YKT6: variants seen among roughly 807,000 people sequenced by gnomAD.
The protein encoded by YKT6 is synaptobrevin homolog YKT6.
A neutral mutation model predicts 29.3 loss-of-function variants in YKT6; 12 were observed. The observed-to-expected ratio is 0.41, with a 90% CI of 0.26 to 0.66. The LOEUF (loss-of-function observed/expected upper bound fraction) is 0.66. YKT6 is among the 30% of genes least tolerant of loss of function. The pLI, the probability that YKT6 is intolerant of heterozygous loss-of-function variation, is 0.32. For synonymous variants in YKT6, 86 were observed against 94.3 expected (o/e 0.91, Z 0.51); for missense variants, 188 against 243.8 (o/e 0.77, Z 1.52).
chr7:44,209,326 C>T (rs1055042562), intron 5 of YKT6, among the ~76,000 whole-genome samples: 4 of 152,198 alleles, frequency 2.6e-5, no homozygotes, highest in South Asian at 2.1e-4. Context: ...GTGCTGACTG[C>T]ACTCCAAATA....
chr7:44,206,310 T>C, intron 2 of YKT6, 75 bp from the exon 3 acceptor site: 1 of 1,485,322 alleles, frequency 6.7e-7, no homozygotes, highest in South Asian at 1.1e-5. Flanking sequence ...CATTGGATGC[T>C]TTGATTTGGG....
Position 44,201,027 on chromosome 7 carries a change from GCT to G in YKT6, c.-108_-107del, listed in dbSNP as rs2096334734. 3.4e-6 allele frequency: 3 copies of G among 882,544 alleles called. No homozygotes were observed. The South Asian group carries it at 5.7e-5, about 17-fold the overall frequency. The allele number at this position is 882,544 out of a possible 1,614,324, so 54.7% of individuals were successfully genotyped here. On this transcript the variant is annotated 5_prime_UTR_variant, in exon 1 of 7. Transcript: ENST00000223369. ...CCGGCGGTGGCCCCGTCAGCAGCCG[GCT>G]GCTGAGAGGCCGGTAGGCGGCGGCG... is the stretch of plus-strand genomic sequence containing the variant.
intron 4 of YKT6, 136 bp downstream of exon 4, chr7:44,207,628 C>T: frequency 1.4e-6 from 1 of 737,816 alleles, no homozygotes; most frequent in Non-Finnish European, 2.2e-6. Context: ...TCAAGCCTTA[C>T]TGTTTGGAAA....
chr7:44,203,416 C>G (rs1043704007), intron 1 of YKT6, among the ~76,000 whole-genome samples: 5 of 152,122 alleles, frequency 3.3e-5, no homozygotes, highest in African/African-American at 1.2e-4. Context: ...CTTATAAGAC[C>G]GCTTTACTTA....
At chr7:44,208,405 AG>A in intron 5 of YKT6, 2 of 534,830 alleles carry the variant, frequency 3.7e-6, no homozygotes, top group South Asian at 4.3e-5. Flanking sequence ...CATTGTTTCT[AG>A]GGGACCAAGC....
intron 1 of YKT6, 21 bp from the exon 2 acceptor site, chr7:44,204,547 A>G (rs1189879227): frequency 6.2e-6 from 10 of 1,613,618 alleles, no homozygotes; most frequent in Non-Finnish European, 7.6e-6. Context: ...GTAGGCAATA[A>G]ATACATTTTG....
intron 5 of YKT6, among the ~76,000 whole-genome samples, chr7:44,209,124 C>G (rs1293448540): frequency 6.6e-6 from 1 of 152,192 alleles, no homozygotes. Flanking sequence ...GATACAGTGC[C>G]TAGTTTATAC....
In YKT6 at chr7:44,201,119, C is replaced by A. The variant is rs1046288654; in HGVS notation, c.-17C>A. On this transcript the variant is annotated 5_prime_UTR_variant, in exon 1 of 7. Coordinates refer to ENST00000223369, the MANE Select transcript of YKT6 (RefSeq NM_006555.4). ...GTCCCGCAGCTGGGCAGGCGGGCGGCCTGAGGGCGCGGAGCCATGAAGCTG... is the reference window on the plus strand; with the variant it reads ...GTCCCGCAGCTGGGCAGGCGGGCGGACTGAGGGCGCGGAGCCATGAAGCTG... The A allele has an allele frequency of 1.5e-5, 24 of 1,561,120 alleles. No homozygotes were observed. The highest frequency in any genetic ancestry group is 2.6e-5 in the East Asian group (1 of 38,828).
intron 5 of YKT6, among the ~76,000 whole-genome samples, chr7:44,209,327 A>C (rs987298831): frequency 2.6e-5 from 4 of 152,144 alleles, no homozygotes; most frequent in Admixed American, 6.5e-5. Context: ...TGCTGACTGC[A>C]CTCCAAATAA....
At chr7:44,202,922 T>C (rs557355734) in intron 1 of YKT6, among the ~76,000 whole-genome samples, 1 of 152,284 alleles carries the variant, frequency 6.6e-6, no homozygotes, top group South Asian at 2.1e-4. Flanking sequence ...TCTGATTCTT[T>C]TTCCTTTTTC....
At chr7:44,201,552 T>C (rs2096335753) in intron 1 of YKT6, among the ~76,000 whole-genome samples, 1 of 152,194 alleles carries the variant, frequency 6.6e-6, no homozygotes, top group African/African-American at 2.4e-5. Flanking sequence ...AGAATATAGT[T>C]CTCTACTCAG....
chr7:44,201,683 A>G (rs1052275255), intron 1 of YKT6, among the ~76,000 whole-genome samples: 10 of 152,138 alleles, frequency 6.6e-5, no homozygotes, highest in African/African-American at 2.2e-4. Flanking sequence ...TATATTTTAG[A>G]CCAACACTTC....
In YKT6 at chr7:44,206,536, T is replaced by C. The variant is rs772025838; in HGVS notation, c.288+51T>C. On this transcript the variant is annotated intron_variant, in intron 3 of 6. Coordinates refer to ENST00000223369, the MANE Select transcript of YKT6 (RefSeq NM_006555.4). ...GACTTGGATGATGAATGGGCACATT[T>C]ATGGACTGGGACAGGGGTTGATGGC... is the stretch of plus-strand genomic sequence containing the variant. 1.2e-4 allele frequency: 184 copies of C among 1,496,482 alleles called. No homozygotes were observed. The Admixed American group carries it at 2.9e-3, about 24-fold the overall frequency. The allele number at this position is 1,496,482 out of a possible 1,614,324, so 92.7% of individuals were successfully genotyped here. A position where few individuals can be genotyped will look rare whatever the true frequency, so the allele number is the denominator to read the frequency against.
intron 1 of YKT6, 110 bp from the exon 2 acceptor site, chr7:44,204,458 T>A: frequency 1.0e-6 from 1 of 966,938 alleles, no homozygotes; most frequent in Non-Finnish European, 1.6e-6. Flanking sequence ...GGGAAAGGAA[T>A]GAAACCAAGA....
chr7:44,205,437 A>T (rs765218458), intron 2 of YKT6, among the ~76,000 whole-genome samples: 1 of 152,090 alleles, frequency 6.6e-6, no homozygotes, highest in Non-Finnish European at 1.5e-5. Context: ...TTAATTGGGG[A>T]TGGTATACAA....
chr7:44,204,418 T>G, intron 1 of YKT6, 150 bp from the exon 2 acceptor site: 1 of 639,184 alleles, frequency 1.6e-6, no homozygotes, highest in South Asian at 2.0e-5. Context: ...TTTGTGCTCA[T>G]TTATAGAGTG....
chr7:44,208,571 C>T (rs866343417), intron 5 of YKT6: 1 of 267,336 alleles, frequency 3.7e-6, no homozygotes, highest in Admixed American at 4.8e-5. Flanking sequence ...CAGGTGCCTC[C>T]CCTTGCAGCG....
Position 44,207,372 on chromosome 7 carries a change from C to T in YKT6, c.289-16C>T, listed in dbSNP as rs765672936. The T allele has an allele frequency of 1.2e-5, 19 of 1,612,648 alleles. No individual in the cohort carries two copies. The highest frequency in any genetic ancestry group is 1.6e-5 in the Non-Finnish European group (19 of 1,179,078). On this transcript the variant is annotated splice_polypyrimidine_tract_variant and intron_variant, in intron 3 of 6. Coordinates refer to ENST00000223369, the MANE Select transcript of YKT6 (RefSeq NM_006555.4). The stretch of plus-strand genomic sequence containing the variant: ...GTGCACAGTGGGAGGCTTGTTGAGT[C>T]TCCTTTGTCTTGCAGGTACTAGATG...
chr7:44,207,892 A>C (rs1182201106), intron 4 of YKT6, among the ~76,000 whole-genome samples: 2 of 151,804 alleles, frequency 1.3e-5, no homozygotes, highest in African/African-American at 4.8e-5. Context: ...CGCCTGGCTA[A>C]TTTTTGTATT....
Sources: gnomAD v4.1 joint callset for allele counts (sites outside exome capture counted in the v4.1 genomes callset) on GRCh38, gnomAD v4.1.1 for gene constraint, MANE v1.5 for transcripts, NCBI Gene and HGNC (gene_info 2026-07-23, HGNC 2026-07-21) for gene names.